The following TMEM150C variants were observed in gnomAD, a reference collection of about 807,000 sequenced individuals.
The protein encoded by TMEM150C is transmembrane protein 150C.
Under a neutral mutation model 29.9 loss-of-function variants are expected in TMEM150C, and 10 were observed. The observed-to-expected ratio is 0.33, with a 90% confidence interval of 0.21 to 0.57. The LOEUF (loss-of-function observed/expected upper bound fraction) is 0.57. TMEM150C is among the 20% of genes least tolerant of loss of function. The probability of loss-of-function intolerance (pLI) is 0.88; values close to 1 mark genes in which losing one functional copy is unlikely to be tolerated. For synonymous variants in TMEM150C, 101 were observed against 112.5 expected (o/e 0.90, Z 0.64); for missense variants, 251 against 303.6 (o/e 0.83, Z 1.29).
chr4:82,557,959 C>T (rs780695653), intron 1 of TMEM150C, among the ~76,000 whole-genome samples: 2 of 151,990 alleles, frequency 1.3e-5, no homozygotes, highest in Non-Finnish European at 2.9e-5. Context: ...TCTCAAACTC[C>T]TGACTTCATG....
At chr4:82,526,863 G>A (rs555512561) in intron 1 of TMEM150C, among the ~76,000 whole-genome samples, 1 of 152,112 alleles carries the variant, frequency 6.6e-6, no homozygotes, top group East Asian at 1.9e-4. Flanking sequence ...GCGTAATTAT[G>A]CCTTTCACTG....
chr4:82,556,294 C>A (rs1488216593), intron 1 of TMEM150C, among the ~76,000 whole-genome samples: 3 of 152,152 alleles, frequency 2.0e-5, no homozygotes, highest in South Asian at 2.1e-4. Context: ...GTGCTCTGAA[C>A]CACTACTCTC....
At chr4:82,515,846 C>G (rs971112210) in intron 1 of TMEM150C, among the ~76,000 whole-genome samples, 5 of 151,980 alleles carry the variant, frequency 3.3e-5, no homozygotes, top group Non-Finnish European at 7.4e-5. Context: ...CAAATCTGTA[C>G]GGCAGCCTGA....
At chr4:82,546,025 A>G (rs1277838900) in intron 1 of TMEM150C, among the ~76,000 whole-genome samples, 2 of 152,212 alleles carry the variant, frequency 1.3e-5, no homozygotes, top group Non-Finnish European at 2.9e-5. Flanking sequence ...GAATATATCT[A>G]ACCAAGGAGG....
intron 7 of TMEM150C, 83 bp downstream of exon 7, chr4:82,489,978 C>G (rs899876323): frequency 3.6e-6 from 5 of 1,369,868 alleles, no homozygotes; most frequent in Non-Finnish European, 5.1e-6. Context: ...GCAGAATATC[C>G]TAACCCACTG....
intron 1 of TMEM150C, among the ~76,000 whole-genome samples, chr4:82,520,196 G>A (rs968737490): frequency 6.6e-6 from 1 of 152,198 alleles, no homozygotes; most frequent in Non-Finnish European, 1.5e-5. Context: ...ATGCCCAGTA[G>A]TGCCATGCCT....
chr4:82,554,644 C>G (rs1231490353), intron 1 of TMEM150C, among the ~76,000 whole-genome samples: 1 of 152,102 alleles, frequency 6.6e-6, no homozygotes. Context: ...AATAGTAAAG[C>G]TATGCTATTT....
chr4:82,550,513 G>A (rs1725535990), intron 1 of TMEM150C, among the ~76,000 whole-genome samples: 1 of 152,246 alleles, frequency 6.6e-6, no homozygotes, highest in South Asian at 2.1e-4. Context: ...TGAAAGAGCT[G>A]GAAGGAGCCA....
At chr4:82,503,000 T>C (rs1723785755) in intron 3 of TMEM150C, 59 bp downstream of exon 3, 1 of 1,604,372 alleles carries the variant, frequency 6.2e-7, no homozygotes, top group Admixed American at 1.7e-5. Context: ...ACCTTCCCAG[T>C]GGGAAAGTTT....
At chr4:82,527,790 T>C (rs1724702710) in intron 1 of TMEM150C, among the ~76,000 whole-genome samples, 1 of 152,168 alleles carries the variant, frequency 6.6e-6, no homozygotes, top group African/African-American at 2.4e-5. Flanking sequence ...GTATACATCA[T>C]GGTTTTGCTT....
At chr4:82,553,029 T>A (rs1251160884) in intron 1 of TMEM150C, among the ~76,000 whole-genome samples, 2 of 152,228 alleles carry the variant, frequency 1.3e-5, no homozygotes. Context: ...TATTAAAATT[T>A]GAATTAATCA....
intron 5 of TMEM150C, among the ~76,000 whole-genome samples, chr4:82,500,222 CA>C (rs1361118535): frequency 6.6e-6 from 1 of 152,180 alleles, no homozygotes; most frequent in African/African-American, 2.4e-5. Context: ...TACACTGACT[CA>C]TTTTTAGATT....
intron 5 of TMEM150C, 170 bp from the exon 6 acceptor site, chr4:82,496,365 C>T (rs1004413070): frequency 1.4e-4 from 81 of 595,558 alleles, no homozygotes; most frequent in Non-Finnish European, 2.1e-4. Context: ...GCACATTTTA[C>T]ATCTCTGGAA....
In TMEM150C at chr4:82,507,727, C is replaced by CTTTTT. The variant is rs869112887; in HGVS notation, c.-10-3065_-10-3061dup. Among the ~76,000 whole-genome samples, 25 of 20,584 alleles carry CTTTTT rather than the reference C, an allele frequency of 1.2e-3. 3 individuals are homozygous for CTTTTT. The highest frequency in any genetic ancestry group is 0.011 in the East Asian group (5 of 454). The allele number at this position is 20,584 out of a possible 152,430, so 13.5% of individuals were successfully genotyped here. ...TTAAATTAACTCTCTCTCTCTCTCT[C>CTTTTT]TTTTTTTTTTTTTTTTTTTTTTTTT... On this transcript the variant is annotated intron_variant, in intron 1 of 7. Coordinates refer to ENST00000449862, the MANE Select transcript of TMEM150C (RefSeq NM_001080506.3).
At chr4:82,562,205 C>G, upstream of TMEM150C, 1 of 1,285,930 alleles carries the variant, frequency 7.8e-7, no homozygotes, top group South Asian at 1.2e-5. Flanking sequence ...CGCTTCCTTC[C>G]GAAGCCTTTG....
At chr4:82,556,779 T>A (rs1361513639) in intron 1 of TMEM150C, among the ~76,000 whole-genome samples, 3 of 152,112 alleles carry the variant, frequency 2.0e-5, no homozygotes, top group African/African-American at 7.2e-5. Context: ...CAAAAAAAAA[T>A]AATAAAAAAG....
At chr4:82,505,563 T>C (rs1723891894) in intron 1 of TMEM150C, among the ~76,000 whole-genome samples, 1 of 152,182 alleles carries the variant, frequency 6.6e-6, no homozygotes, top group African/African-American at 2.4e-5. Flanking sequence ...TAAAAACAAA[T>C]GGTTACTAAA....
chr4:82,543,418 C>T (rs955313625), intron 1 of TMEM150C, among the ~76,000 whole-genome samples: 4 of 152,144 alleles, frequency 2.6e-5, no homozygotes, highest in African/African-American at 9.7e-5. Flanking sequence ...AAGCATACAG[C>T]CAATATAGCA....
At position 82,490,071 on chromosome 4, in the gene TMEM150C, A is replaced by G; in HGVS notation, c.531T>C (p.Cys177=). 1.2e-6 allele frequency: 2 copies of G among 1,613,994 alleles called. No homozygotes were observed. The highest frequency in any genetic ancestry group is 1.7e-6 in the Non-Finnish European group (2 of 1,179,854). ...ACGTTCAAAGGATACAGAGGACCAC[A>G]CAGAGAGTGATAGATGCCGACAGAA... ...RVILSASITL[C]VVLYFILMAQ... is the part of the protein sequence containing the mutation. Residue 177 remains cysteine, a synonymous_variant, in exon 7 of 8, where the codon TGT becomes TGC. Transcript: ENST00000449862.
Sources: allele counts gnomAD v4.1 joint callset (sites outside exome capture counted in the v4.1 genomes callset), GRCh38; gene constraint gnomAD v4.1.1; transcripts MANE v1.5; gene names NCBI Gene and HGNC (gene_info 2026-07-23, HGNC 2026-07-21).